Variants in SYNE1 observed in about 807,000 individuals in gnomAD.
SYNE1 encodes the protein spectrin repeat containing nuclear envelope protein 1.
SYNE1 carries 616 observed loss-of-function variants against 1,111.0 expected under a neutral mutation model. The ratio of observed to expected loss-of-function variants is 0.55; its 90% CI spans 0.52 to 0.59. SYNE1 has a LOEUF of 0.59. Among genes scored for constraint, SYNE1 ranks in the 20% least tolerant of loss-of-function variants. SYNE1 has a pLI of 0.00. For missense variants in SYNE1, 10,006 were observed against 10,417.0 expected (o/e 0.96, Z 1.72); for synonymous variants, 3,855 against 3,825.8 (o/e 1.01, Z -0.28).
At chr6:152,164,033 C>T (rs1432704569) in intron 131 of SYNE1, 130 bp downstream of exon 131, 1 of 1,269,144 alleles carries the variant, frequency 7.9e-7, no homozygotes, top group Admixed American at 1.7e-5. Flanking sequence ...AAGCCCCCTT[C>T]CTCACCAGTC....
At chr6:152,543,580 G>A (rs993761310) in intron 3 of SYNE1, among the ~76,000 whole-genome samples, 1 of 152,152 alleles carries the variant, frequency 6.6e-6, no homozygotes, top group Non-Finnish European at 1.5e-5. Flanking sequence ...GCTGTTGACA[G>A]GGAACAAAAT....
chr6:152,354,958 C>T lies in SYNE1; in HGVS notation c.10627G>A (p.Ala3543Thr), dbSNP rs763617500. 2.5e-6 allele frequency: 4 copies of T among 1,614,046 alleles called. No individual in the cohort carries two copies. Among genetic ancestry groups the T allele is most frequent in the Non-Finnish European group, 3.4e-6 (4 of 1,180,044 alleles). ...GAGTTCAACAGGGCCTGCCCCTCTGCACAGTGTACCTGTAGCTCCTGCAGA... is the reference window on the plus strand; with the variant it reads ...GAGTTCAACAGGGCCTGCCCCTCTGTACAGTGTACCTGTAGCTCCTGCAGA... Reference protein sequence around the residue: ...RDLQELQVHCAEGQALLNSVL... With the variant: ...RDLQELQVHCTEGQALLNSVL... The change falls in exon 67 of 146, where the codon GCA (alanine) becomes ACA (threonine). Residue 3543 changes from alanine to threonine, a missense_variant. Coordinates refer to ENST00000367255, the MANE Select transcript of SYNE1 (RefSeq NM_182961.4).
At chr6:152,492,289 A>C (rs1240724743) in intron 11 of SYNE1, among the ~76,000 whole-genome samples, 1 of 152,148 alleles carries the variant, frequency 6.6e-6, no homozygotes, top group Non-Finnish European at 1.5e-5. Flanking sequence ...CCACAACAAG[A>C]CTTAATCAAT....
At chr6:152,425,615 G>C in intron 38 of SYNE1, 68 bp from the exon 39 acceptor site, 2 of 1,586,250 alleles carry the variant, frequency 1.3e-6, no homozygotes, top group South Asian at 2.2e-5. Flanking sequence ...TGCGGCACAG[G>C]CGGCTGTTGT....
intron 128 of SYNE1, among the ~76,000 whole-genome samples, chr6:152,185,670 G>A (rs1037593934): frequency 1.3e-5 from 2 of 152,146 alleles, no homozygotes; most frequent in Non-Finnish European, 1.5e-5. Context: ...TATGTATTCC[G>A]TTTGCTGTTT....
At chr6:152,475,283 T>C (rs1281189833) in intron 14 of SYNE1, among the ~76,000 whole-genome samples, 11 of 152,196 alleles carry the variant, frequency 7.2e-5, no homozygotes, top group Admixed American at 5.9e-4. Flanking sequence ...TAAAACTCAT[T>C]GTAAGTTGAA....
At position 152,173,231 on chromosome 6, in the gene SYNE1, T is replaced by C. The variant is rs141336573; in HGVS notation, c.23627+3163A>G. On this transcript the variant is annotated intron_variant, in intron 130 of 145. Transcript: ENST00000367255. ...GTCAAGTTGACTCTAAATTATGCGT[T>C]CTATTTTTATGTATGTAATAGATTT... is the stretch of plus-strand genomic sequence containing the variant. Among the ~76,000 whole-genome samples, 864 of 152,360 alleles carry C rather than the reference T, an allele frequency of 5.7e-3. 9 individuals are homozygous for C. Among genetic ancestry groups the C allele is most frequent in the African/African-American group, 0.02 (831 of 41,590 alleles).
intron 127 of SYNE1, among the ~76,000 whole-genome samples, chr6:152,190,183 T>A (rs2635458): frequency 0.39 from 59,392 of 151,990 alleles, 11,751 homozygotes; most frequent in African/African-American, 0.47. Context: ...AAGAAACCAC[T>A]TTTTTTATTG....
At chr6:152,278,370 C>A (rs2093785963) in intron 97 of SYNE1, 90 bp from the exon 98 acceptor site, 1 of 1,479,942 alleles carries the variant, frequency 6.8e-7, no homozygotes, top group African/African-American at 1.4e-5. Flanking sequence ...CCTTTGGAGT[C>A]TTTTACGAAA....
At chr6:152,502,145 A>G (rs1477897814) in intron 10 of SYNE1, among the ~76,000 whole-genome samples, 1 of 152,214 alleles carries the variant, frequency 6.6e-6, no homozygotes, top group Admixed American at 6.5e-5. Flanking sequence ...ATGTTATTTA[A>G]ATTATTTAAA....
At position 152,231,507 on chromosome 6, in the gene SYNE1, G is replaced by C. The variant is rs1288551650; in HGVS notation, c.20923C>G (p.Leu6975Val). ...TCCACATCCTGACTGCTGATTTGTA[G>C]CACGGACTGGTTCACAAAATCCACT... ...LTVDFVNQSV[L>V]QISSQDVESK... is the part of the protein sequence containing the mutation. The change falls in exon 114 of 146, where the codon CTA becomes GTA. Residue 6975 changes from leucine (L) to valine (V), a missense_variant. This residue lies in a region of SYNE1 where 2,182 missense variants were observed against 2,287.8 expected (regional missense o/e 0.95). Coordinates refer to ENST00000367255, the MANE Select transcript of SYNE1 (RefSeq NM_182961.4). 10 of 1,613,904 alleles carry C rather than the reference G, an allele frequency of 6.2e-6. No homozygotes were observed. Among genetic ancestry groups the C allele is most frequent in the Non-Finnish European group, 6.8e-6 (8 of 1,180,018 alleles).
chr6:152,135,874 C>T (rs1034842593), intron 141 of SYNE1, among the ~76,000 whole-genome samples: 3 of 152,140 alleles, frequency 2.0e-5, no homozygotes, highest in African/African-American at 7.2e-5. Flanking sequence ...GGTTCCTGAC[C>T]ACCTCCTCAG....
At chr6:152,135,850 C>T (rs1407446492) in intron 141 of SYNE1, among the ~76,000 whole-genome samples, 1 of 152,152 alleles carries the variant, frequency 6.6e-6, no homozygotes, top group Non-Finnish European at 1.5e-5. Context: ...TGGCCTGGAC[C>T]TACAAAGCCA....
intron 3 of SYNE1, among the ~76,000 whole-genome samples, chr6:152,556,238 T>TA (rs1314513842): frequency 2.6e-5 from 4 of 152,030 alleles, no homozygotes; most frequent in Non-Finnish European, 5.9e-5. Context: ...AATAAACACA[T>TA]ACATTGAAGA....
chr6:152,149,807 A>T, intron 135 of SYNE1, 139 bp from the exon 136 acceptor site: 1 of 750,472 alleles, frequency 1.3e-6, no homozygotes, highest in Non-Finnish European at 2.3e-6. Flanking sequence ...ATCACAAGAC[A>T]AGAGTCTATT....
intron 77 of SYNE1, among the ~76,000 whole-genome samples, chr6:152,333,582 T>C (rs2096301122): frequency 6.6e-6 from 1 of 152,172 alleles, no homozygotes; most frequent in Non-Finnish European, 1.5e-5. Context: ...CATAATGATG[T>C]TCTACTTACC....
chr6:152,443,247 A>T (rs2098548718), intron 30 of SYNE1, among the ~76,000 whole-genome samples: 1 of 152,144 alleles, frequency 6.6e-6, no homozygotes, highest in Admixed American at 6.5e-5. Flanking sequence ...GAACAATGTA[A>T]CACCAAATAT....
chr6:152,534,635 G>T (rs940840368), intron 4 of SYNE1, among the ~76,000 whole-genome samples: 1 of 152,106 alleles, frequency 6.6e-6, no homozygotes, highest in South Asian at 2.1e-4. Flanking sequence ...ATTTGGGGGG[G>T]TGAATTATTG....
At chr6:152,422,755 C>T (rs1005961374) in intron 39 of SYNE1, among the ~76,000 whole-genome samples, 9 of 152,238 alleles carry the variant, frequency 5.9e-5, no homozygotes, top group African/African-American at 1.7e-4. Flanking sequence ...GCAATCCCCT[C>T]ACCTTGGCCT....
Sources: gnomAD v4.1 joint callset for allele counts (sites outside exome capture counted in the v4.1 genomes callset) on GRCh38, gnomAD v4.1.1 for gene constraint, gnomAD v4.1.1 regional missense constraint, MANE v1.5 for transcripts, NCBI Gene and HGNC (gene_info 2026-07-23, HGNC 2026-07-21) for gene names.